The following ATP8B1 variants were observed in gnomAD, a reference collection of about 807,000 sequenced individuals.
The protein encoded by ATP8B1 is ATPase phospholipid transporting 8B1, also known as phospholipid-transporting ATPase IC.
A neutral mutation model predicts 149.9 loss-of-function variants in ATP8B1; 80 were observed. The ratio of observed to expected loss-of-function variants is 0.53; its 90% CI spans 0.45 to 0.64. ATP8B1 has a LOEUF of 0.64. Among genes scored for constraint, ATP8B1 ranks in the 30% least tolerant of loss-of-function variants. ATP8B1 has a pLI of 0.00. For synonymous variants in ATP8B1, 536 were observed against 562.8 expected, an observed-to-expected ratio of 0.95 and a Z score of 0.67; for missense variants, 1,247 against 1,552.6, an observed-to-expected ratio of 0.80 and a Z score of 3.31.
At position 57,674,973 on chromosome 18, in the gene ATP8B1, G is replaced by A. The variant is rs144566149; in HGVS notation, c.1680C>T (p.Asn560=). 1.6e-5 allele frequency: 26 copies of A among 1,614,096 alleles called. No homozygotes were observed. Among genetic ancestry groups the A allele is most frequent in the Middle Eastern group, 1.6e-4 (1 of 6,084 alleles). The change falls in exon 16 of 28, where the codon AAC becomes AAT. Residue 560 remains asparagine, a synonymous_variant. Transcript: ENST00000648908. ...AASPDEGALV[N]AARNFGFAFL... is the part of the protein sequence containing the mutation. ...AGGCAAAGCCAAAGTTCCTGGCAGCGTTTACCAGGGCACCTTCATCGGGAG... is the reference window on the plus strand; with the variant it reads ...AGGCAAAGCCAAAGTTCCTGGCAGCATTTACCAGGGCACCTTCATCGGGAG...
At chr18:57,655,916 T>A (rs1217843009) in intron 22 of ATP8B1, among the ~76,000 whole-genome samples, 1 of 152,176 alleles carries the variant, frequency 6.6e-6, no homozygotes, top group Non-Finnish European at 1.5e-5. Context: ...GCAGCTAGGC[T>A]CTTTGTGAAT....
chr18:57,737,551 C>CT (rs1314060361), intron 1 of ATP8B1, among the ~76,000 whole-genome samples: 12 of 122,934 alleles, frequency 9.8e-5, no homozygotes, highest in Non-Finnish European at 1.3e-4. Context: ...CCATGCCTGG[C>CT]TTTTTTTTTC....
intron 25 of ATP8B1, 99 bp from the exon 26 acceptor site, chr18:57,652,271 A>G: frequency 1.3e-6 from 2 of 1,530,902 alleles, no homozygotes; most frequent in Admixed American, 1.8e-5. Flanking sequence ...CAAGTTAGGC[A>G]TGATGTGGCT....
In ATP8B1 at chr18:57,650,480, GAGC is replaced by G. The variant is rs2122546729; in HGVS notation, c.3415_3417del (p.Ala1139del). 6.2e-7 allele frequency: 1 copy of G among 1,613,690 alleles called. No homozygotes were observed. The highest frequency in any genetic ancestry group is 8.5e-7 in the Non-Finnish European group (1 of 1,179,722). On this transcript the variant is annotated inframe_deletion, in exon 27 of 28. Coordinates refer to ENST00000648908, the MANE Select transcript of ATP8B1 (RefSeq NM_001374385.1). ...GTTAACCAAATGTATGGCTGTCTCA[GAGC>G]GTTTGAAGCTGTGCCTGTAAAGAAC...
rs950229238 is a variant in ATP8B1 at position 57,652,032 on chromosome 18, A to T, written c.3400+2T>A. 3 of 1,613,060 alleles carry T rather than the reference A, an allele frequency of 1.9e-6. No individual in the cohort carries two copies. The highest frequency in any genetic ancestry group is 2.5e-6 in the Non-Finnish European group (3 of 1,179,738). On this transcript the variant is annotated splice_donor_variant, in intron 26 of 27. Transcript: ENST00000648908. LOFTEE classifies it high-confidence loss of function. The stretch of plus-strand genomic sequence containing the variant: ...TTATTTTTGGAATTTGGAAATACCA[A>T]CCTGTAAATTGAAATGCAGATGGAA...
intron 23 of ATP8B1, 96 bp from the exon 24 acceptor site, chr18:57,654,171 T>G: frequency 8.8e-7 from 1 of 1,138,548 alleles, no homozygotes. Flanking sequence ...AACATTTTGT[T>G]TGTTTGTTTG....
chr18:57,795,714 G>C (rs115022681), intron 1 of ATP8B1, among the ~76,000 whole-genome samples: 373 of 152,210 alleles, frequency 2.5e-3, no homozygotes, highest in African/African-American at 8.5e-3. Flanking sequence ...TAGGAAGAAG[G>C]GGGTAGTTAC....
chr18:57,746,010 A>C (rs1422406896), intron 1 of ATP8B1, among the ~76,000 whole-genome samples: 1 of 152,230 alleles, frequency 6.6e-6, no homozygotes, highest in East Asian at 1.9e-4. Flanking sequence ...AGCTATTTTT[A>C]ATAACACTAT....
intron 2 of ATP8B1, among the ~76,000 whole-genome samples, chr18:57,721,133 T>C (rs1390433106): frequency 8.7e-6 from 1 of 114,314 alleles, no homozygotes; most frequent in Non-Finnish European, 1.9e-5. Flanking sequence ...TACCAGCCGC[T>C]GCAAAATCAT....
At chr18:57,656,741 G>A (rs1910025363) in intron 22 of ATP8B1, among the ~76,000 whole-genome samples, 1 of 150,404 alleles carries the variant, frequency 6.6e-6, no homozygotes, top group African/African-American at 2.5e-5. Flanking sequence ...GGGGAGAGAG[G>A]GGTGGGGAGG....
chr18:57,649,909 A>G (rs1909491160), intron 27 of ATP8B1, among the ~76,000 whole-genome samples: 1 of 152,208 alleles, frequency 6.6e-6, no homozygotes, highest in African/African-American at 2.4e-5. Flanking sequence ...TTTCTTGACA[A>G]CATTAAATTG....
chr18:57,687,064 A>G (rs1305592306), intron 13 of ATP8B1, among the ~76,000 whole-genome samples: 1 of 152,138 alleles, frequency 6.6e-6, no homozygotes, highest in African/African-American at 2.4e-5. Context: ...CTGGGCCTCA[A>G]GCAATCCTCC....
intron 12 of ATP8B1, among the ~76,000 whole-genome samples, chr18:57,691,127 A>G (rs1912505406): frequency 6.6e-6 from 1 of 151,274 alleles, no homozygotes. Flanking sequence ...GTGAGCCTAG[A>G]TCATGCCATT....
In ATP8B1 at chr18:57,656,841, G is replaced by A. The variant is rs150771038; in HGVS notation, c.2708-1424C>T. On this transcript the variant is annotated intron_variant, in intron 22 of 27. Transcript: ENST00000648908. ...GGGAGGGAGGGGAGAGAGAGAAGGA[G>A]GGGAAGAAGGAGGAAAGGGAGAGAG... Among the ~76,000 whole-genome samples the A allele has an allele frequency of 9.8e-3, 1,474 of 150,792 alleles. 10 individuals are homozygous for A. Among genetic ancestry groups the A allele is most frequent in the South Asian group, 0.02 (94 of 4,690 alleles).
At chr18:57,736,450 C>T (rs438773) in intron 1 of ATP8B1, among the ~76,000 whole-genome samples, 137,414 of 140,674 alleles carry the variant, frequency 0.98, 67,204 homozygotes, top group East Asian at 1. Flanking sequence ...TAAAGTTTTA[C>T]TAGTTTTTTT....
chr18:57,745,562 G>A (rs1254821589), intron 1 of ATP8B1, among the ~76,000 whole-genome samples: 1 of 152,064 alleles, frequency 6.6e-6, no homozygotes, highest in East Asian at 1.9e-4. Context: ...GTGAGCCACT[G>A]CACCTGGCCA....
At chr18:57,660,079 G>A (rs113933185) in intron 22 of ATP8B1, among the ~76,000 whole-genome samples, 4 of 152,286 alleles carry the variant, frequency 2.6e-5, no homozygotes, top group Non-Finnish European at 4.4e-5. Flanking sequence ...GAATATCCAG[G>A]TCATTAGTTT....
intron 22 of ATP8B1, among the ~76,000 whole-genome samples, chr18:57,659,240 C>T (rs1910228950): frequency 6.6e-6 from 1 of 151,864 alleles, no homozygotes; most frequent in African/African-American, 2.4e-5. Context: ...CATGCCACTG[C>T]ACCCCAGCCT....
At position 57,739,014 on chromosome 18, in the gene ATP8B1, T is replaced by C. The variant is rs150145495; in HGVS notation, c.-25-7182A>G. ...TGTGTATTTTATTTTTATTATTTTT[T>C]AGACTCAGTTTCGCTCTGTTGCCCA... On this transcript the variant is annotated intron_variant, in intron 1 of 27. Coordinates refer to ENST00000648908, the MANE Select transcript of ATP8B1 (RefSeq NM_001374385.1). Among the ~76,000 whole-genome samples the C allele has an allele frequency of 1.8e-3, 269 of 152,210 alleles. 1 individual carries two copies. Among genetic ancestry groups the C allele is most frequent in the African/African-American group, 6.2e-3 (259 of 41,532 alleles).
Sources: allele counts gnomAD v4.1 joint callset (sites outside exome capture counted in the v4.1 genomes callset), GRCh38; gene constraint gnomAD v4.1.1; transcripts MANE v1.5; gene names NCBI Gene and HGNC (gene_info 2026-07-23, HGNC 2026-07-21).